HEXD: variants seen among roughly 807,000 people sequenced by gnomAD.
HEXD encodes the protein N-acetyl-beta-galactosaminidase.
A neutral mutation model predicts 54.2 loss-of-function variants in HEXD; 47 were observed. The observed-to-expected ratio is 0.87, with a 90% CI of 0.69 to 1.11. The LOEUF (loss-of-function observed/expected upper bound fraction) is 1.11, where lower values mean the gene tolerates loss of function less well. Ranked by LOEUF, HEXD falls within the 50% of genes least tolerant of loss-of-function variation. The pLI is 0.00. For missense variants in HEXD, 576 were observed against 649.2 expected (o/e 0.89, Z 1.23); for synonymous variants, 293 against 287.6 (o/e 1.02, Z -0.19).
intron 3 of HEXD, among the ~76,000 whole-genome samples, chr17:82,424,904 G>GAGAAAGCTAGAGAAGGCTAA (rs1203601983): frequency 6.6e-6 from 1 of 152,048 alleles, no homozygotes; most frequent in African/African-American, 2.4e-5. Context: ...GAGAAGGCTA[G>GAGAAAGCTAGAGAAGGCTAA]AGAAAGCTGG....
At position 82,433,046 on chromosome 17, in the gene HEXD, G is replaced by A. The variant is rs1460961191; in HGVS notation, c.283-612G>A. ...ATGCCACTGCACTCCAGACTGGGCG[G>A]CAGAGCAAGACTCCATCTCAAAAAA... On this transcript the variant is annotated intron_variant, in intron 4 of 12. Transcript: ENST00000327949. Among the ~76,000 whole-genome samples the A allele has an allele frequency of 3.0e-3, 304 of 99,966 alleles. 2 individuals are homozygous for A. Among genetic ancestry groups the A allele is most frequent in the Middle Eastern group, 0.017 (2 of 118 alleles). The allele number at this position is 99,966 out of a possible 152,430, so 65.6% of individuals were successfully genotyped here. A position where few individuals can be genotyped will look rare whatever the true frequency, so the allele number is the denominator to read the frequency against.
In HEXD at chr17:82,437,047, C is replaced by T. The variant is rs112246073; in HGVS notation, c.704-121C>T. The T allele has an allele frequency of 4.5e-6, 4 of 883,912 alleles. No homozygotes were observed. In the African/African-American group the frequency reaches 6.7e-5, roughly 15 times the overall value. The allele number at this position is 883,912 out of a possible 1,614,324, so 54.8% of individuals were successfully genotyped here. ...CACTCTGGAGTCTCCTACACTGAGACCCGGGCCTGGCTGTCTCAGGCGGCT... is the reference window on the plus strand; with the variant it reads ...CACTCTGGAGTCTCCTACACTGAGATCCGGGCCTGGCTGTCTCAGGCGGCT... On this transcript the variant is annotated intron_variant, in intron 7 of 12. Transcript: ENST00000327949.
intron 4 of HEXD, among the ~76,000 whole-genome samples, chr17:82,429,334 C>G (rs1342377855): frequency 6.6e-6 from 1 of 151,944 alleles, no homozygotes; most frequent in Non-Finnish European, 1.5e-5. Flanking sequence ...AACCACCACA[C>G]CGATTTAATG....
chr17:82,420,812 C>T (rs1055390660), intron 2 of HEXD, among the ~76,000 whole-genome samples: 2 of 152,122 alleles, frequency 1.3e-5, no homozygotes, highest in African/African-American at 2.4e-5. Flanking sequence ...GTGATCCACC[C>T]GCCTCAGCCT....
At chr17:82,439,525 G>A (rs2053866208) in intron 8 of HEXD, 106 bp from the exon 9 acceptor site, 1 of 1,478,700 alleles carries the variant, frequency 6.8e-7, no homozygotes, top group African/African-American at 1.4e-5. Flanking sequence ...CAGCGCTGAT[G>A]TAGCCTAAGG....
Position 82,434,201 on chromosome 17 carries a change from G to T in HEXD, c.447+379G>T, listed in dbSNP as rs919306200. Reference sequence around the variant, plus strand: ...ACCAGCAGTGAGCATAAGTCAGGGTGTAACTCGAGGGACACCCTTTTGTTG... The same window carrying T: ...ACCAGCAGTGAGCATAAGTCAGGGTTTAACTCGAGGGACACCCTTTTGTTG... On this transcript the variant is annotated intron_variant, in intron 5 of 12. Coordinates refer to ENST00000327949, the MANE Select transcript of HEXD (RefSeq NM_001330542.2). The surrounding 1 kb of genome is among the most constrained non-coding windows in gnomAD (Gnocchi z 4.5). 1.3e-5 allele frequency among the ~76,000 whole-genome samples: 2 copies of T among 152,242 alleles called. No individual in the cohort carries two copies. Among genetic ancestry groups the T allele is most frequent in the Non-Finnish European group, 2.9e-5 (2 of 68,044 alleles).
intron 4 of HEXD, among the ~76,000 whole-genome samples, chr17:82,431,833 A>G (rs553165156): frequency 5.4e-4 from 82 of 152,292 alleles, no homozygotes; most frequent in Admixed American, 3.6e-3. Context: ...GTTCATTTGC[A>G]CATCTCAAAA....
At chr17:82,432,859 C>T (rs190877685) in intron 4 of HEXD, among the ~76,000 whole-genome samples, 8 of 145,692 alleles carry the variant, frequency 5.5e-5, no homozygotes, top group East Asian at 4.3e-4. Flanking sequence ...GTCAGGAGAT[C>T]GAGACCATCC....
intron 2 of HEXD, chr17:82,420,518 G>A (rs1412808139): frequency 6.6e-6 from 1 of 152,238 alleles, no homozygotes; most frequent in Admixed American, 6.5e-5. Context: ...TTTGGACTTA[G>A]GGCCTCCAGA....
At chr17:82,440,946 C>G (rs2053925631) in intron 9 of HEXD, 51 bp from the exon 10 acceptor site, 1 of 1,602,374 alleles carries the variant, frequency 6.2e-7, no homozygotes, top group Admixed American at 1.7e-5. Context: ...ATGTAGCCCC[C>G]TCCCCTCCTC....
chr17:82,431,546 C>T (rs559709006), intron 4 of HEXD, among the ~76,000 whole-genome samples: 2 of 151,864 alleles, frequency 1.3e-5, no homozygotes, highest in South Asian at 4.2e-4. Flanking sequence ...TCCCGAGTAG[C>T]TGGGATTACA....
chr17:82,440,075 C>G, intron 9 of HEXD: 5 of 1,296,490 alleles, frequency 3.9e-6, no homozygotes, highest in Non-Finnish European at 5.0e-6. Flanking sequence ...GCGCCCGGCC[C>G]TGGAAGGCCC....
chr17:82,433,124 A>T lies in HEXD; in HGVS notation c.283-534A>T, dbSNP rs1244042539. Among the ~76,000 whole-genome samples, 63 of 16,036 alleles carry T rather than the reference A, an allele frequency of 3.9e-3. 9 individuals are homozygous for T. The highest frequency in any genetic ancestry group is 0.034 in the South Asian group (12 of 356). 10.5% of individuals were successfully genotyped at this position (16,036 alleles called of 152,430 possible). The stretch of plus-strand genomic sequence containing the variant: ...TATATATATATATATATATATATAT[A>T]TATATTTTTTTTTTTTTTTTATATA... On this transcript the variant is annotated intron_variant, in intron 4 of 12. Coordinates refer to ENST00000327949, the MANE Select transcript of HEXD (RefSeq NM_001330542.2).
intron 4 of HEXD, among the ~76,000 whole-genome samples, chr17:82,433,429 C>T (rs1351614487): frequency 1.3e-5 from 2 of 152,022 alleles, no homozygotes; most frequent in African/African-American, 2.4e-5. Flanking sequence ...GGCAACAAAG[C>T]GAGATTCCAT....
intron 1 of HEXD, among the ~76,000 whole-genome samples, chr17:82,419,209 C>T (rs572706644): frequency 6.6e-6 from 1 of 152,312 alleles, no homozygotes; most frequent in East Asian, 1.9e-4. Flanking sequence ...CTCTGATGCA[C>T]TTGGGGGCTT....
At chr17:82,438,152 C>G (rs1332091053) in intron 8 of HEXD, among the ~76,000 whole-genome samples, 1 of 152,082 alleles carries the variant, frequency 6.6e-6, no homozygotes, top group Non-Finnish European at 1.5e-5. Context: ...CAAGGAGAAT[C>G]ACTTGAACCC....
chr17:82,418,468 C>T lies in HEXD; in HGVS notation c.-324C>T, dbSNP rs1188577049. On this transcript the variant is annotated 5_prime_UTR_variant, in exon 1 of 13. Coordinates refer to ENST00000327949, the MANE Select transcript of HEXD (RefSeq NM_001330542.2). Reference sequence around the variant, plus strand: ...TGCCCTCGGGCGCCTTGGTTGCGGCCCTCCGCTGAGGAGCCATCGGACCAG... The same window carrying T: ...TGCCCTCGGGCGCCTTGGTTGCGGCTCTCCGCTGAGGAGCCATCGGACCAG... 2 of 1,472,002 alleles carry T rather than the reference C, an allele frequency of 1.4e-6. No homozygotes were observed. Among genetic ancestry groups the T allele is most frequent in the Admixed American group, 4.6e-5 (2 of 43,252 alleles). 91.2% of individuals were successfully genotyped at this position (1,472,002 alleles called of 1,614,324 possible).
chr17:82,421,457 A>G (rs999330230), intron 2 of HEXD, among the ~76,000 whole-genome samples: 2 of 152,110 alleles, frequency 1.3e-5, no homozygotes, highest in Non-Finnish European at 1.5e-5. Flanking sequence ...AGTTTCTAAT[A>G]CCGCGTGGCA....
At chr17:82,433,126 ATATTTTT>A (rs2053653022) in intron 4 of HEXD, among the ~76,000 whole-genome samples, 1 of 13,552 alleles carries the variant, frequency 7.4e-5, no homozygotes, top group African/African-American at 5.6e-4. Flanking sequence ...ATATATATAT[ATATTTTT>A]TTTTTTTTTT....
Sources: allele counts gnomAD v4.1 joint callset (sites outside exome capture counted in the v4.1 genomes callset), GRCh38; gene constraint gnomAD v4.1.1; non-coding constraint Gnocchi (gnomAD v3.1); transcripts MANE v1.5; gene names NCBI Gene and HGNC (gene_info 2026-07-23, HGNC 2026-07-21).